The following SHISA9 variants were observed in gnomAD, a reference collection of about 807,000 sequenced individuals.
SHISA9 encodes the protein shisa family member 9, also known as protein shisa-9.
In SHISA9, 13 loss-of-function variants were observed where a neutral mutation model predicts 38.0. The observed-to-expected ratio is 0.34, with a 90% CI of 0.22 to 0.54. The LOEUF (loss-of-function observed/expected upper bound fraction) is 0.54, where lower values mean the gene tolerates loss of function less well. SHISA9 is among the 20% of genes least tolerant of loss of function. The pLI is 0.91. For missense variants in SHISA9, 538 were observed against 575.8 expected (o/e 0.93, Z 0.67); for synonymous variants, 275 against 242.0 (o/e 1.14, Z -1.27).
intron 2 of SHISA9, among the ~76,000 whole-genome samples, chr16:13,067,584 T>C (rs1301946112): frequency 6.6e-6 from 1 of 152,244 alleles, no homozygotes; most frequent in Non-Finnish European, 1.5e-5. Context: ...AGGTCAAGGC[T>C]GCAGTGAGCT....
chr16:13,452,187 T>G, the SHISA9 span, among the ~76,000 whole-genome samples: 3 of 152,218 alleles, frequency 2.0e-5, no homozygotes, highest in Non-Finnish European at 2.9e-5. Flanking sequence ...AAAGCCCAAT[T>G]GTTATTCTCA....
intron 3 of SHISA9, among the ~76,000 whole-genome samples, chr16:13,206,426 C>T (rs1000459311): frequency 6.6e-6 from 1 of 152,162 alleles, no homozygotes; most frequent in Admixed American, 6.5e-5. Flanking sequence ...TATAAACTAA[C>T]ACCAGAACCC....
chr16:13,352,067 G>A, the SHISA9 span, among the ~76,000 whole-genome samples: 4 of 152,144 alleles, frequency 2.6e-5, no homozygotes, highest in African/African-American at 9.7e-5. Flanking sequence ...GAGAGAGGAT[G>A]TGATAGCTGA....
At chr16:13,528,852 A>G in the SHISA9 span, among the ~76,000 whole-genome samples, 11 of 152,368 alleles carry the variant, frequency 7.2e-5, no homozygotes, top group African/African-American at 2.6e-4. Flanking sequence ...TCCATACCCC[A>G]TAAAGTTTTA....
rs535771267 is a variant in SHISA9 at position 13,102,960 on chromosome 16, A to G, written c.692-100434A>G. Among the ~76,000 whole-genome samples the G allele has an allele frequency of 3.7e-4, 56 of 152,368 alleles. No individual in the cohort carries two copies. In the South Asian group the frequency reaches 0.011, roughly 30 times the overall value. On this transcript the variant is annotated intron_variant, in intron 2 of 4. Coordinates refer to ENST00000558583, the MANE Select transcript of SHISA9 (RefSeq NM_001145204.3). Reference sequence around the variant, plus strand: ...GGGAGGCGGCACTTCCTCATAGGCTATGCATATAGAAATACTCTTCTTATC... The same window carrying G: ...GGGAGGCGGCACTTCCTCATAGGCTGTGCATATAGAAATACTCTTCTTATC...
At chr16:13,186,430 T>G (rs901042600) in intron 2 of SHISA9, among the ~76,000 whole-genome samples, 1 of 151,326 alleles carries the variant, frequency 6.6e-6, no homozygotes, top group African/African-American at 2.4e-5. Context: ...CCTGAGTAGC[T>G]GGAATTACAG....
chr16:13,387,753 G>C, the SHISA9 span, among the ~76,000 whole-genome samples: 1 of 152,136 alleles, frequency 6.6e-6, no homozygotes, highest in African/African-American at 2.4e-5. Flanking sequence ...CTCCCAAAGT[G>C]CTGGGATTAC....
the SHISA9 span, among the ~76,000 whole-genome samples, chr16:13,347,738 C>A: frequency 6.6e-6 from 1 of 152,146 alleles, no homozygotes; most frequent in Non-Finnish European, 1.5e-5. Flanking sequence ...CTTCATTCTC[C>A]TGCAGAATTT....
Position 13,235,402 on chromosome 16 carries a change from C to G in SHISA9, c.1268C>G (p.Thr423Ser). 1 of 1,535,698 alleles carries G rather than the reference C, an allele frequency of 6.5e-7. No individual in the cohort carries two copies. Among genetic ancestry groups the G allele is most frequent in the East Asian group, 2.4e-5 (1 of 40,862 alleles). ...YFITNSKTEV[T>S]V is the part of the protein sequence containing the mutation. ...ATCACCAACAGCAAAACAGAAGTGA[C>G]TGTCTGAGCTTTCACCACAGGGAGC... Residue 423 changes from threonine to serine, a missense_variant, in exon 5 of 5, where the codon ACT (threonine) becomes AGT (serine). By Grantham distance (58) the Thr-to-Ser change is moderately conservative (BLOSUM62 1). Transcript: ENST00000558583.
intron 2 of SHISA9, among the ~76,000 whole-genome samples, chr16:12,967,669 A>T (rs956031228): frequency 7.6e-6 from 1 of 130,828 alleles, no homozygotes; most frequent in Non-Finnish European, 1.6e-5. Context: ...TGCATCAAAT[A>T]AAAAAAAAAA....
At chr16:12,974,321 A>G (rs2072125705) in intron 2 of SHISA9, among the ~76,000 whole-genome samples, 1 of 152,088 alleles carries the variant, frequency 6.6e-6, no homozygotes, top group African/African-American at 2.4e-5. Context: ...GTAGTTCCCT[A>G]AAGGAAAATT....
At chr16:13,468,441 G>A in the SHISA9 span, among the ~76,000 whole-genome samples, 1 of 152,172 alleles carries the variant, frequency 6.6e-6, no homozygotes, top group South Asian at 2.1e-4. Flanking sequence ...AGATATAAAT[G>A]TGATGCACAG....
chr16:13,282,714 A>G, the SHISA9 span, among the ~76,000 whole-genome samples: 226 of 152,134 alleles, frequency 1.5e-3, no homozygotes, highest in Admixed American at 2.9e-3. Flanking sequence ...TAGGTTGCAT[A>G]ACTTTCAATT....
At chr16:13,019,026 G>C (rs1285178364) in intron 2 of SHISA9, among the ~76,000 whole-genome samples, 2 of 152,068 alleles carry the variant, frequency 1.3e-5, no homozygotes, top group Non-Finnish European at 2.9e-5. Context: ...TTGAGACAGA[G>C]TCTTGCTCTG....
intron 1 of SHISA9, among the ~76,000 whole-genome samples, chr16:12,914,020 T>A (rs2071220956): frequency 1.3e-5 from 2 of 151,652 alleles, no homozygotes. Flanking sequence ...AGCCCTCGTT[T>A]ATTTATTTCT....
the SHISA9 span, among the ~76,000 whole-genome samples, chr16:13,379,010 T>G: frequency 6.6e-6 from 1 of 152,178 alleles, no homozygotes; most frequent in Non-Finnish European, 1.5e-5. Flanking sequence ...GCTTTAAGTT[T>G]CACCACTCAA....
At chr16:12,963,272 C>G (rs1202103884) in intron 2 of SHISA9, among the ~76,000 whole-genome samples, 1 of 152,136 alleles carries the variant, frequency 6.6e-6, no homozygotes, top group African/African-American at 2.4e-5. Flanking sequence ...CTCTGCAGGA[C>G]CCAGTATTGG....
At chr16:13,411,736 A>C in the SHISA9 span, among the ~76,000 whole-genome samples, 1 of 152,248 alleles carries the variant, frequency 6.6e-6, no homozygotes, top group Non-Finnish European at 1.5e-5. Context: ...AAGTTACACA[A>C]GACACTTCTG....
the SHISA9 span, among the ~76,000 whole-genome samples, chr16:13,387,468 G>A: frequency 1.3e-5 from 2 of 151,694 alleles, no homozygotes; most frequent in Admixed American, 1.3e-4. Context: ...AAGGAACAAG[G>A]AAGCTTCCTC....
Sources: allele counts gnomAD v4.1 joint callset (sites outside exome capture counted in the v4.1 genomes callset), GRCh38; gene constraint gnomAD v4.1.1; transcripts MANE v1.5; gene names NCBI Gene and HGNC (gene_info 2026-07-23, HGNC 2026-07-21).